SPTBN1: variants seen among roughly 807,000 people sequenced by gnomAD.
SPTBN1 encodes the protein spectrin beta, non-erythrocytic 1.
In SPTBN1, 32 loss-of-function variants were observed where a neutral mutation model predicts 266.4. That is an observed-to-expected ratio of 0.12 (90% CI 0.09 to 0.16). The LOEUF (loss-of-function observed/expected upper bound fraction) is 0.16, where lower values mean the gene tolerates loss of function less well. SPTBN1 is among the 10% of genes least tolerant of loss of function. The pLI is 1.00. For missense variants in SPTBN1, 2,296 were observed against 3,067.1 expected (o/e 0.75, Z 5.94); for synonymous variants, 1,336 against 1,162.2 (o/e 1.15, Z -3.04).
chr2:54,462,918 G>C (rs374316661), intron 1 of SPTBN1, among the ~76,000 whole-genome samples: 1 of 152,200 alleles, frequency 6.6e-6, no homozygotes, highest in African/African-American at 2.4e-5. Context: ...TCTCGACATG[G>C]TGTTCTAGGC....
chr2:54,474,807 T>C (rs1296824141), intron 1 of SPTBN1, among the ~76,000 whole-genome samples: 2 of 152,164 alleles, frequency 1.3e-5, no homozygotes, highest in African/African-American at 2.4e-5. Flanking sequence ...CTCAGAGCTG[T>C]TTTGTATTTT....
intron 32 of SPTBN1, chr2:54,661,190 T>C: frequency 6.1e-6 from 6 of 985,626 alleles, no homozygotes; most frequent in Non-Finnish European, 7.2e-6. Context: ...ATGGTATCTA[T>C]CAGGCCACCA....
chr2:54,522,786 G>GGGGGC (rs1670565621), intron 1 of SPTBN1, among the ~76,000 whole-genome samples: 1 of 152,098 alleles, frequency 6.6e-6, no homozygotes, highest in Non-Finnish European at 1.5e-5. Context: ...ATTCGCAGGT[G>GGGGGC]GGGGCAGGGC....
intron 1 of SPTBN1, among the ~76,000 whole-genome samples, chr2:54,522,456 C>T (rs978163296): frequency 4.6e-5 from 7 of 151,612 alleles, no homozygotes; most frequent in African/African-American, 1.7e-4. Flanking sequence ...CATGGTGAAA[C>T]CCCATTTCTA....
chr2:54,510,749 C>T (rs1395389061), intron 1 of SPTBN1, among the ~76,000 whole-genome samples: 1 of 152,212 alleles, frequency 6.6e-6, no homozygotes, highest in African/African-American at 2.4e-5. Flanking sequence ...TCAAAAATCA[C>T]ATCACCAGGG....
chr2:54,524,755 G>A (rs568320814), intron 1 of SPTBN1, among the ~76,000 whole-genome samples: 35 of 152,194 alleles, frequency 2.3e-4, no homozygotes, highest in African/African-American at 7.9e-4. Context: ...AGTCTCTCCC[G>A]CTGCCCACTA....
chr2:54,457,709 A>C (rs1047091691), intron 1 of SPTBN1, among the ~76,000 whole-genome samples: 1 of 152,144 alleles, frequency 6.6e-6, no homozygotes, highest in South Asian at 2.1e-4. Flanking sequence ...GGCCCCACCC[A>C]GGCCCGGGGC....
At chr2:54,648,281 A>G (rs1414578315) in intron 24 of SPTBN1, among the ~76,000 whole-genome samples, 1 of 152,178 alleles carries the variant, frequency 6.6e-6, no homozygotes, top group African/African-American at 2.4e-5. Flanking sequence ...TTCCCAGGAA[A>G]GTGGCCTTCC....
At position 54,493,162 on chromosome 2, in the gene SPTBN1, T is replaced by C. The variant is rs1300290737; in HGVS notation, c.-47-33210T>C. 5.1e-4 allele frequency among the ~76,000 whole-genome samples: 78 copies of C among 151,830 alleles called. 1 individual carries two copies. The highest frequency in any genetic ancestry group is 5.9e-5 in the Non-Finnish European group (4 of 67,932). On this transcript the variant is annotated intron_variant, in intron 1 of 35. Coordinates refer to ENST00000356805, the MANE Select transcript of SPTBN1 (RefSeq NM_003128.3). ...CTGGGACCACAGGCACACACCACCA[T>C]GCCTGGCTGATTTTTGCATGTTTTG...
intron 6 of SPTBN1, 85 bp from the exon 7 acceptor site, chr2:54,617,993 C>A: frequency 9.0e-7 from 1 of 1,117,004 alleles, no homozygotes; most frequent in Non-Finnish European, 1.3e-6. Flanking sequence ...TGATTTTAAC[C>A]TTTTTGGAGT....
intron 32 of SPTBN1, chr2:54,660,455 A>G (rs532544805): frequency 1.0e-6 from 1 of 1,002,412 alleles, no homozygotes; most frequent in South Asian, 4.4e-5. Flanking sequence ...TGCTATATGT[A>G]GCCGCCTTTA....
chr2:54,456,556 C>T (rs1693039907), intron 1 of SPTBN1, 38 bp downstream of exon 1: 1 of 151,906 alleles, frequency 6.6e-6, no homozygotes, highest in Admixed American at 6.6e-5. Flanking sequence ...TGCCAACTCA[C>T]TGGGGCTGCC....
At chr2:54,551,579 T>G (rs544334336) in intron 2 of SPTBN1, among the ~76,000 whole-genome samples, 2 of 152,192 alleles carry the variant, frequency 1.3e-5, no homozygotes, top group Admixed American at 1.3e-4. Flanking sequence ...TTGCCGTTTT[T>G]CTCCTCAGCA....
At chr2:54,589,554 C>G (rs1005835352) in intron 2 of SPTBN1, among the ~76,000 whole-genome samples, 1 of 152,200 alleles carries the variant, frequency 6.6e-6, no homozygotes, top group Non-Finnish European at 1.5e-5. Context: ...GCTTCACATG[C>G]ATTTAGAGCA....
intron 3 of SPTBN1, among the ~76,000 whole-genome samples, chr2:54,608,048 G>T (rs1179543902): frequency 6.6e-6 from 1 of 152,178 alleles, no homozygotes; most frequent in Non-Finnish European, 1.5e-5. Flanking sequence ...AGGGCTGGCT[G>T]CTGCCCTTAA....
rs1681605085 is a variant in SPTBN1 at position 54,669,479 on chromosome 2, G to C, written c.*910G>C. The C allele has an allele frequency of 6.6e-6, 1 of 152,566 alleles. No homozygotes were observed. Among genetic ancestry groups the C allele is most frequent in the South Asian group, 2.1e-4 (1 of 4,824 alleles). 9.5% of individuals were successfully genotyped at this position (152,566 alleles called of 1,614,324 possible). ...TTTGATACATAGTGTGCATTTCTCT[G>C]TCACTGTAACTATTGTAATGACAAA... On this transcript the variant is annotated 3_prime_UTR_variant, in exon 36 of 36. Transcript: ENST00000356805.
chr2:54,567,530 G>A (rs543213173), intron 2 of SPTBN1, among the ~76,000 whole-genome samples: 2 of 151,944 alleles, frequency 1.3e-5, no homozygotes, highest in African/African-American at 4.8e-5. Flanking sequence ...ATTTTAAATA[G>A]GAGAGGATTT....
intron 2 of SPTBN1, among the ~76,000 whole-genome samples, chr2:54,574,033 A>T (rs911736438): frequency 6.6e-6 from 1 of 152,094 alleles, no homozygotes; most frequent in Admixed American, 6.5e-5. Context: ...AAATCTAAGA[A>T]ATTTTTGTGG....
chr2:54,494,138 T>G (rs1438586307), intron 1 of SPTBN1, among the ~76,000 whole-genome samples: 1 of 152,102 alleles, frequency 6.6e-6, no homozygotes, highest in East Asian at 1.9e-4. Context: ...TTTACATAAT[T>G]GTAATTAATA....
Sources: gnomAD v4.1 joint callset for allele counts (sites outside exome capture counted in the v4.1 genomes callset) on GRCh38, gnomAD v4.1.1 for gene constraint, MANE v1.5 for transcripts, NCBI Gene and HGNC (gene_info 2026-07-23, HGNC 2026-07-21) for gene names.